Variants in PRELID2 observed in about 807,000 individuals in gnomAD.
PRELID2 encodes PRELI domain containing 2.
In PRELID2, 25 loss-of-function variants were observed where a neutral mutation model predicts 28.4. That is an observed-to-expected ratio of 0.88 (90% CI 0.64 to 1.23). PRELID2 has a LOEUF of 1.23. Among genes scored for constraint, PRELID2 ranks in the 50% most tolerant of loss-of-function variants. PRELID2 has a pLI of 0.00. For missense variants in PRELID2, 201 were observed against 214.4 expected (o/e 0.94, Z 0.39); for synonymous variants, 76 against 71.6 (o/e 1.06, Z -0.31).
the PRELID2 span, among the ~76,000 whole-genome samples, chr5:145,323,969 G>T: frequency 6.6e-6 from 1 of 151,938 alleles, no homozygotes; most frequent in Admixed American, 6.6e-5. Context: ...CTTTCCTTTG[G>T]GTATATACCC....
intron 1 of PRELID2, among the ~76,000 whole-genome samples, chr5:145,568,741 C>G (rs1173099699): frequency 1.3e-5 from 2 of 152,202 alleles, no homozygotes; most frequent in African/African-American, 2.4e-5. Flanking sequence ...TCTGTTGCAG[C>G]CAGCTGCTTT....
chr5:145,448,813 G>T, the PRELID2 span, among the ~76,000 whole-genome samples: 4 of 152,098 alleles, frequency 2.6e-5, no homozygotes, highest in African/African-American at 9.6e-5. Flanking sequence ...GTGTGTCAAG[G>T]GTCATAGTAA....
chr5:145,627,850 C>T (rs924241049), intron 1 of PRELID2, among the ~76,000 whole-genome samples: 2 of 152,270 alleles, frequency 1.3e-5, no homozygotes, highest in South Asian at 2.1e-4. Flanking sequence ...ATGCTGACCC[C>T]TTTCCATTTC....
chr5:145,296,520 C>T, the PRELID2 span, among the ~76,000 whole-genome samples: 9 of 152,096 alleles, frequency 5.9e-5, no homozygotes, highest in East Asian at 1.7e-3. Context: ...AGGACATGAA[C>T]TCATCATTTT....
At chr5:145,494,503 G>A (rs1752292531) in intron 1 of PRELID2, among the ~76,000 whole-genome samples, 2 of 152,100 alleles carry the variant, frequency 1.3e-5, no homozygotes, top group African/African-American at 4.8e-5. Context: ...CCATCCTATA[G>A]ATGCAAATCT....
intron 1 of PRELID2, among the ~76,000 whole-genome samples, chr5:145,593,159 T>C (rs1157814020): frequency 6.6e-6 from 1 of 152,308 alleles, no homozygotes; most frequent in East Asian, 1.9e-4. Context: ...AAATTCATGA[T>C]ATATTTTGTT....
intron 5 of PRELID2, among the ~76,000 whole-genome samples, chr5:145,777,834 G>A (rs1050396987): frequency 6.6e-6 from 1 of 152,188 alleles, no homozygotes; most frequent in Non-Finnish European, 1.5e-5. Flanking sequence ...GGTGGGAAGG[G>A]CCCCTGTGCA....
At chr5:145,585,813 G>A (rs1441800538) in intron 1 of PRELID2, among the ~76,000 whole-genome samples, 1 of 152,010 alleles carries the variant, frequency 6.6e-6, no homozygotes, top group Non-Finnish European at 1.5e-5. Flanking sequence ...GAATGGGGTG[G>A]GGTGTCAGCC....
chr5:145,649,495 C>A (rs1272141829), intron 1 of PRELID2, among the ~76,000 whole-genome samples: 1 of 152,130 alleles, frequency 6.6e-6, no homozygotes, highest in Non-Finnish European at 1.5e-5. Context: ...ATGTATTAAA[C>A]CCATTTTTAA....
intron 1 of PRELID2, among the ~76,000 whole-genome samples, chr5:145,632,198 G>A (rs1452356794): frequency 2.6e-5 from 4 of 151,996 alleles, no homozygotes; most frequent in African/African-American, 7.2e-5. Flanking sequence ...AACAAGCCTC[G>A]GAGGTCTATG....
chr5:145,298,671 G>A, the PRELID2 span, among the ~76,000 whole-genome samples: 43 of 152,136 alleles, frequency 2.8e-4, no homozygotes, highest in South Asian at 6.2e-4. Flanking sequence ...ATGCCGGTAC[G>A]TGTCAAGACA....
the PRELID2 span, among the ~76,000 whole-genome samples, chr5:145,465,581 C>A: frequency 6.6e-6 from 1 of 152,192 alleles, no homozygotes; most frequent in Admixed American, 6.6e-5. Flanking sequence ...CCGGGGCAAG[C>A]TACTTAACTT....
chr5:145,349,665 C>T, the PRELID2 span, among the ~76,000 whole-genome samples: 4 of 152,046 alleles, frequency 2.6e-5, no homozygotes, highest in Non-Finnish European at 5.9e-5. Flanking sequence ...CTATAGTTAA[C>T]TTTATATTAT....
chr5:145,367,097 CCT>C, the PRELID2 span, among the ~76,000 whole-genome samples: 1 of 151,744 alleles, frequency 6.6e-6, no homozygotes, highest in African/African-American at 2.4e-5. Context: ...CTAGATGTTT[CCT>C]CTGTCTGCAC....
chr5:145,554,964 T>C (rs1236698513), intron 1 of PRELID2, among the ~76,000 whole-genome samples: 2 of 152,354 alleles, frequency 1.3e-5, no homozygotes, highest in African/African-American at 4.8e-5. Context: ...ATACCTTCTT[T>C]CATATTTATT....
At chr5:145,305,471 A>C in the PRELID2 span, among the ~76,000 whole-genome samples, 3 of 152,092 alleles carry the variant, frequency 2.0e-5, no homozygotes, top group Non-Finnish European at 4.4e-5. Context: ...GGAAAAAGAG[A>C]CTGACTTGAG....
chr5:145,817,178 A>T (rs1394950322), intron 4 of PRELID2, among the ~76,000 whole-genome samples: 9 of 126,076 alleles, frequency 7.1e-5, no homozygotes, highest in Non-Finnish European at 3.5e-5. Flanking sequence ...GTGACAGAGC[A>T]AGACTGCATT....
chr5:145,493,282 T>A (rs958174014), intron 1 of PRELID2, among the ~76,000 whole-genome samples: 14 of 152,164 alleles, frequency 9.2e-5, no homozygotes, highest in Non-Finnish European at 1.5e-5. Context: ...GTCCAGATGA[T>A]CATCAGATCA....
chr5:145,467,965 G>A (rs1752018055), downstream of PRELID2, among the ~76,000 whole-genome samples: 1 of 151,774 alleles, frequency 6.6e-6, no homozygotes, highest in Non-Finnish European at 1.5e-5. Context: ...TGTGCACAAT[G>A]TGCAGGTTTG....
Sources: allele counts gnomAD v4.1 joint callset (sites outside exome capture counted in the v4.1 genomes callset), GRCh38; gene constraint gnomAD v4.1.1; transcripts MANE v1.5; gene names NCBI Gene and HGNC (gene_info 2026-07-23, HGNC 2026-07-21).